SHROOM3: variants seen among roughly 807,000 people sequenced by gnomAD.
SHROOM3 encodes shroom family member 3, also known as protein Shroom3.
SHROOM3 carries 47 observed loss-of-function variants against 138.6 expected under a neutral mutation model. The ratio of observed to expected loss-of-function variants is 0.34; its 90% CI spans 0.27 to 0.43. SHROOM3 has a LOEUF of 0.43. Among genes scored for constraint, SHROOM3 ranks in the 20% least tolerant of loss-of-function variants. The pLI is 1.00. For synonymous variants in SHROOM3, 1,062 were observed against 1,063.3 expected (o/e 1.00, Z 0.02); for missense variants, 2,491 against 2,596.5 (o/e 0.96, Z 0.88).
intron 1 of SHROOM3, among the ~76,000 whole-genome samples, chr4:76,541,659 G>A (rs1040338479): frequency 2.8e-5 from 4 of 143,576 alleles, no homozygotes; most frequent in Admixed American, 1.4e-4. Context: ...ACCAGGAAAT[G>A]GAGAGTATTG....
intron 2 of SHROOM3, among the ~76,000 whole-genome samples, chr4:76,583,089 A>G (rs1045162343): frequency 1.3e-5 from 2 of 152,210 alleles, no homozygotes; most frequent in Admixed American, 1.3e-4. Context: ...TAGAACTCAG[A>G]TGTAGAGAAA....
intron 1 of SHROOM3, among the ~76,000 whole-genome samples, chr4:76,453,762 T>G (rs540795332): frequency 4.5e-4 from 68 of 152,332 alleles, no homozygotes; most frequent in African/African-American, 1.6e-3. Context: ...TAGTTTTTTA[T>G]GTATCCTTGA....
chr4:76,553,570 G>C (rs943311353), intron 1 of SHROOM3, among the ~76,000 whole-genome samples: 1 of 151,504 alleles, frequency 6.6e-6, no homozygotes, highest in African/African-American at 2.4e-5. Flanking sequence ...GACACCGCAC[G>C]AGGCCCACCT....
intron 2 of SHROOM3, among the ~76,000 whole-genome samples, chr4:76,675,670 C>T (rs1273402168): frequency 3.3e-5 from 5 of 152,096 alleles, no homozygotes; most frequent in African/African-American, 4.8e-5. Flanking sequence ...CCAGCCTAGG[C>T]AACATAGAGG....
chr4:76,565,101 C>T (rs184223823), intron 2 of SHROOM3, among the ~76,000 whole-genome samples: 234 of 144,086 alleles, frequency 1.6e-3, no homozygotes, highest in African/African-American at 5.8e-3. Flanking sequence ...GCGGAGGTTG[C>T]AGTGAGCTGA....
chr4:76,497,604 T>TGC (rs1560524760), intron 1 of SHROOM3, among the ~76,000 whole-genome samples: 6 of 152,176 alleles, frequency 3.9e-5, no homozygotes, highest in Non-Finnish European at 8.8e-5. Flanking sequence ...ATGCCTGTAA[T>TGC]CCCAGCACTT....
At chr4:76,464,397 A>T (rs1466882727) in intron 1 of SHROOM3, among the ~76,000 whole-genome samples, 1 of 152,106 alleles carries the variant, frequency 6.6e-6, no homozygotes, top group Non-Finnish European at 1.5e-5. Flanking sequence ...TGTATCTTGG[A>T]AGTAACTAAT....
chr4:76,684,750 C>T (rs1719290665), intron 2 of SHROOM3, among the ~76,000 whole-genome samples: 1 of 152,138 alleles, frequency 6.6e-6, no homozygotes, highest in East Asian at 1.9e-4. Flanking sequence ...GATCTGGGGG[C>T]TCACTGGCCT....
At chr4:76,690,396 G>T (rs565317912) in intron 2 of SHROOM3, among the ~76,000 whole-genome samples, 20 of 152,308 alleles carry the variant, frequency 1.3e-4, no homozygotes, top group African/African-American at 4.6e-4. Flanking sequence ...AAATAGTAGT[G>T]TTGTTGTGGC....
intron 2 of SHROOM3, among the ~76,000 whole-genome samples, chr4:76,633,599 G>A (rs370082644): frequency 6.9e-6 from 1 of 144,564 alleles, no homozygotes; most frequent in African/African-American, 2.6e-5. Context: ...GGAGCTTGCA[G>A]TGAGCCGAGA....
intron 6 of SHROOM3, among the ~76,000 whole-genome samples, chr4:76,754,037 G>T (rs1214237482): frequency 6.6e-6 from 1 of 152,178 alleles, no homozygotes. Context: ...GTGTGTACAG[G>T]ATGTGGGGGC....
intron 1 of SHROOM3, among the ~76,000 whole-genome samples, chr4:76,468,735 A>G (rs1731298665): frequency 1.3e-5 from 2 of 152,094 alleles, no homozygotes; most frequent in Non-Finnish European, 2.9e-5. Context: ...TAGCCATATC[A>G]AAAGCATTTG....
chr4:76,737,263 CTT>C (rs973842428), intron 4 of SHROOM3, among the ~76,000 whole-genome samples: 6 of 130,844 alleles, frequency 4.6e-5, no homozygotes, highest in Admixed American at 2.3e-4. Flanking sequence ...CTTGACAGCT[CTT>C]TTTTTTTTTT....
intron 1 of SHROOM3, among the ~76,000 whole-genome samples, chr4:76,494,476 C>T (rs1005174703): frequency 2.0e-5 from 3 of 152,128 alleles, no homozygotes; most frequent in African/African-American, 7.2e-5. Context: ...TCCCATGAAG[C>T]GAGAGGACTG....
chr4:76,448,157 G>A (rs567732020), intron 1 of SHROOM3, among the ~76,000 whole-genome samples: 1 of 152,156 alleles, frequency 6.6e-6, no homozygotes, highest in African/African-American at 2.4e-5. Context: ...TGTGGAATGA[G>A]ATTTGTTTTT....
At chr4:76,460,041 A>T (rs10012530) in intron 1 of SHROOM3, among the ~76,000 whole-genome samples, 23 of 152,300 alleles carry the variant, frequency 1.5e-4, no homozygotes, top group African/African-American at 5.5e-4. Flanking sequence ...TTATCATCAG[A>T]ATTTTTATAT....
chr4:76,609,721 A>T (rs1734722494), intron 2 of SHROOM3, among the ~76,000 whole-genome samples: 1 of 152,254 alleles, frequency 6.6e-6, no homozygotes, highest in South Asian at 2.1e-4. Context: ...CAGTGTTAGC[A>T]GGCAATTAAG....
At chr4:76,671,177 C>A (rs758789252) in intron 2 of SHROOM3, among the ~76,000 whole-genome samples, 23 of 152,206 alleles carry the variant, frequency 1.5e-4, no homozygotes, top group Admixed American at 3.3e-4. Context: ...CCCCTGGCCT[C>A]ATGGAGCTTA....
At chr4:76,527,505 C>G (rs1003189680) in intron 1 of SHROOM3, among the ~76,000 whole-genome samples, 1 of 152,182 alleles carries the variant, frequency 6.6e-6, no homozygotes, top group African/African-American at 2.4e-5. Flanking sequence ...ATTGCTTGAA[C>G]CCGGGAGGTA....
Sources: gnomAD v4.1 joint callset for allele counts (sites outside exome capture counted in the v4.1 genomes callset) on GRCh38, gnomAD v4.1.1 for gene constraint, MANE v1.5 for transcripts, NCBI Gene and HGNC (gene_info 2026-07-23, HGNC 2026-07-21) for gene names.